The following MAML3 variants were observed in gnomAD, a reference collection of about 807,000 sequenced individuals.
MAML3 encodes the protein mastermind-like protein 3.
A neutral mutation model predicts 101.9 loss-of-function variants in MAML3; 27 were observed. The ratio of observed to expected loss-of-function variants is 0.27; its 90% CI spans 0.20 to 0.37. MAML3 has a LOEUF of 0.37. MAML3 is among the 10% of genes least tolerant of loss of function. The pLI is 1.00. For synonymous variants in MAML3, 501 were observed against 555.9 expected (o/e 0.90, Z 1.39); for missense variants, 1,316 against 1,444.9 (o/e 0.91, Z 1.45).
At chr4:140,141,852 G>A (rs1386953138) in intron 1 of MAML3, among the ~76,000 whole-genome samples, 1 of 152,134 alleles carries the variant, frequency 6.6e-6, no homozygotes, top group Admixed American at 6.5e-5. Flanking sequence ...AGATTCAGGG[G>A]CTATATTAAA....
intron 2 of MAML3, among the ~76,000 whole-genome samples, chr4:139,843,333 G>C (rs1731394414): frequency 6.6e-6 from 1 of 152,114 alleles, no homozygotes; most frequent in Non-Finnish European, 1.5e-5. Context: ...ACTAAGATGT[G>C]TCTACTCTCG....
At chr4:139,928,178 T>A (rs1733304973) in intron 1 of MAML3, among the ~76,000 whole-genome samples, 1 of 152,230 alleles carries the variant, frequency 6.6e-6, no homozygotes. Context: ...TATCCATAAC[T>A]GTTTCTCCAT....
rs114273068 is a variant in MAML3 at position 139,947,716 on chromosome 4, C to A, written c.469-56749G>T. ...CCTGGAGCAAGTTAATCTCTCTATG[C>A]CTCAGTTTCGACAGCAGGATTCCGT... On this transcript the variant is annotated intron_variant, in intron 1 of 4. Transcript: ENST00000509479. 5.5e-3 allele frequency among the ~76,000 whole-genome samples: 838 copies of A among 152,220 alleles called. 11 individuals are homozygous for A. The highest frequency in any genetic ancestry group is 0.019 in the African/African-American group (804 of 41,518).
chr4:140,145,575 T>C (rs962455514), intron 1 of MAML3, among the ~76,000 whole-genome samples: 1 of 151,174 alleles, frequency 6.6e-6, no homozygotes, highest in African/African-American at 2.5e-5. Flanking sequence ...TGTTTTGTTT[T>C]GTTTTGTTTG....
intron 1 of MAML3, among the ~76,000 whole-genome samples, chr4:139,975,449 G>GCACA (rs372041311): frequency 3.3e-5 from 5 of 151,598 alleles, no homozygotes; most frequent in Admixed American, 3.3e-4. Context: ...GTGCAGGCAT[G>GCACA]CACACACACA....
At chr4:139,912,693 T>C (rs1354003606) in intron 1 of MAML3, among the ~76,000 whole-genome samples, 1 of 152,240 alleles carries the variant, frequency 6.6e-6, no homozygotes. Flanking sequence ...AGAGTGCCGT[T>C]TGACGGCGGA....
At chr4:139,952,055 C>G (rs184596198) in intron 1 of MAML3, among the ~76,000 whole-genome samples, 124 of 152,134 alleles carry the variant, frequency 8.2e-4, no homozygotes, top group African/African-American at 2.8e-3. Context: ...ATCCCAGCTA[C>G]TTCAGAGGCT....
intron 1 of MAML3, among the ~76,000 whole-genome samples, chr4:139,944,967 A>G (rs1264995249): frequency 1.3e-5 from 2 of 151,570 alleles, no homozygotes; most frequent in African/African-American, 4.9e-5. Context: ...CCAAATGACT[A>G]TAAATCATGC....
At chr4:139,774,534 G>A (rs1223912348) in intron 2 of MAML3, among the ~76,000 whole-genome samples, 1 of 152,200 alleles carries the variant, frequency 6.6e-6, no homozygotes, top group Admixed American at 6.5e-5. Context: ...AGCATTTTAG[G>A]AAGCCCTAGT....
chr4:139,748,634 G>C (rs998398927), intron 2 of MAML3, among the ~76,000 whole-genome samples: 1 of 141,670 alleles, frequency 7.1e-6, no homozygotes, highest in African/African-American at 2.6e-5. Context: ...ATGAGGTTCA[G>C]CTTGACCACA....
intron 1 of MAML3, among the ~76,000 whole-genome samples, chr4:140,121,091 A>C (rs1410515755): frequency 6.6e-6 from 1 of 152,230 alleles, no homozygotes; most frequent in African/African-American, 2.4e-5. Context: ...AGCAAAAAGC[A>C]AAGTCATTTT....
At chr4:139,936,340 G>A (rs1733505377) in intron 1 of MAML3, among the ~76,000 whole-genome samples, 1 of 152,142 alleles carries the variant, frequency 6.6e-6, no homozygotes, top group Non-Finnish European at 1.5e-5. Context: ...TGTGAATAAT[G>A]CTGCAGTTAA....
intron 2 of MAML3, among the ~76,000 whole-genome samples, chr4:139,737,224 A>G (rs886237642): frequency 2.6e-5 from 4 of 152,220 alleles, no homozygotes; most frequent in Admixed American, 6.5e-5. Flanking sequence ...GAGTTCTTCA[A>G]ATATGAAGAA....
At chr4:139,753,144 C>A (rs984115660) in intron 2 of MAML3, among the ~76,000 whole-genome samples, 1 of 152,134 alleles carries the variant, frequency 6.6e-6, no homozygotes, top group Non-Finnish European at 1.5e-5. Flanking sequence ...CCTTCTTTCC[C>A]TTTTCATTGG....
chr4:139,981,369 G>C (rs1253839201), intron 1 of MAML3, among the ~76,000 whole-genome samples: 4 of 152,158 alleles, frequency 2.6e-5, no homozygotes, highest in Non-Finnish European at 2.9e-5. Context: ...AGGTACTAGG[G>C]CTTTAGAATT....
At chr4:140,077,734 G>A (rs1418224684) in intron 1 of MAML3, among the ~76,000 whole-genome samples, 3 of 151,996 alleles carry the variant, frequency 2.0e-5, no homozygotes, top group Non-Finnish European at 4.4e-5. Context: ...AAAATAAAGA[G>A]AGGGGCCGGG....
At chr4:139,987,336 G>A (rs1335275928) in intron 1 of MAML3, among the ~76,000 whole-genome samples, 2 of 152,168 alleles carry the variant, frequency 1.3e-5, no homozygotes, top group African/African-American at 4.8e-5. Flanking sequence ...GCCATGGTAA[G>A]GCAGAAAAAC....
intron 1 of MAML3, among the ~76,000 whole-genome samples, chr4:139,976,381 G>A (rs1221660080): frequency 6.6e-6 from 1 of 152,206 alleles, no homozygotes; most frequent in Non-Finnish European, 1.5e-5. Context: ...AGCAAGAGGG[G>A]ATGTGATGAA....
intron 1 of MAML3, among the ~76,000 whole-genome samples, chr4:139,972,129 G>A (rs1265577766): frequency 6.6e-6 from 1 of 152,042 alleles, no homozygotes. Context: ...GTAAATGTGT[G>A]CCATGGTGGT....
Sources: gnomAD v4.1 joint callset for allele counts (sites outside exome capture counted in the v4.1 genomes callset) on GRCh38, gnomAD v4.1.1 for gene constraint, MANE v1.5 for transcripts, NCBI Gene and HGNC (gene_info 2026-07-23, HGNC 2026-07-21) for gene names.